Variants in LDB3 observed in about 807,000 individuals in gnomAD.
LDB3 encodes the protein LIM domain-binding protein 3.
LDB3 carries 49 observed loss-of-function variants against 69.0 expected under a neutral mutation model. That is an observed-to-expected ratio of 0.71 (90% CI 0.56 to 0.90). The LOEUF is 0.90. Among genes scored for constraint, LDB3 ranks in the 40% least tolerant of loss-of-function variants. The pLI, the probability that LDB3 is intolerant of heterozygous loss-of-function variation, is 0.00. For missense variants in LDB3, 928 were observed against 974.1 expected (o/e 0.95, Z 0.63); for synonymous variants, 387 against 396.2 (o/e 0.98, Z 0.28).
At chr10:86,668,500 C>T (rs965356368), upstream of LDB3, 4 of 670,110 alleles carry the variant, frequency 6.0e-6, no homozygotes, top group African/African-American at 3.5e-5. Context: ...CGATGGCATT[C>T]GCTCCCAGCT....
At position 86,718,025 on chromosome 10, in the gene LDB3, T is replaced by G; in HGVS notation, c.1738T>G (p.Cys580Gly). The G allele has an allele frequency of 6.2e-7, 1 of 1,614,202 alleles. No individual in the cohort carries two copies. The highest frequency in any genetic ancestry group is 8.5e-7 in the Non-Finnish European group (1 of 1,180,040). ...CCCTGAAGAGTTCACCTGTGCCTAC[T>G]GCAAGACTTCCCTGGCAGATGTGTG... ...WHPEEFTCAY[C>G]KTSLADVCFV... Residue 580 changes from cysteine to glycine, a missense_variant, in exon 11 of 14, where the codon TGC (cysteine) becomes GGC (glycine). By Grantham distance (159) the Cys-to-Gly change is radical. Transcript: ENST00000361373.
chr10:86,685,613 C>T (rs938293433), intron 5 of LDB3: 3 of 1,568,728 alleles, frequency 1.9e-6, no homozygotes, highest in African/African-American at 2.7e-5. Context: ...GGCCCCGGCG[C>T]TCAAACTGCC....
In LDB3 at chr10:86,685,687, A is replaced by G. The variant is rs376900496; in HGVS notation, c.689+3884A>G. On this transcript the variant is annotated intron_variant, in intron 5 of 13. Coordinates refer to ENST00000361373, the MANE Select transcript of LDB3 (RefSeq NM_007078.3). Reference sequence around the variant, plus strand: ...CCCTTTTCCTCCCCAGGTGGTAGTCAACTCTCCAGCCAAGTTAGTATCAAA... The same window carrying G: ...CCCTTTTCCTCCCCAGGTGGTAGTCGACTCTCCAGCCAAGTTAGTATCAAA... 13 of 1,614,148 alleles carry G rather than the reference A, an allele frequency of 8.1e-6. No homozygotes were observed. Among genetic ancestry groups the G allele is most frequent in the African/African-American group, 8.0e-5 (6 of 75,050 alleles).
chr10:86,709,308 C>T (rs1202729210), intron 8 of LDB3, among the ~76,000 whole-genome samples: 1 of 152,002 alleles, frequency 6.6e-6, no homozygotes, highest in Admixed American at 6.6e-5. Flanking sequence ...AAAGGTGACC[C>T]TAGGCCCCTT....
At chr10:86,731,996 T>G (rs1847478002) in intron 13 of LDB3, among the ~76,000 whole-genome samples, 1 of 146,044 alleles carries the variant, frequency 6.8e-6, no homozygotes, top group Admixed American at 6.8e-5. Context: ...TTTTCTTTTC[T>G]TTCTTTCTTT....
At chr10:86,691,869 C>T (rs1157220959) in intron 5 of LDB3, 27 bp from the exon 6 acceptor site, 4 of 1,613,576 alleles carry the variant, frequency 2.5e-6, no homozygotes, top group Non-Finnish European at 3.4e-6. Flanking sequence ...GCCTAGCCCT[C>T]GCCCACGGCC....
At chr10:86,681,345 C>A in intron 4 of LDB3, 91 bp from the exon 5 acceptor site, 1 of 1,570,332 alleles carries the variant, frequency 6.4e-7, no homozygotes, top group Non-Finnish European at 8.6e-7. Context: ...CGCGCTAACA[C>A]ATCTGTTTCA....
At chr10:86,702,404 C>T (rs1014968381) in intron 7 of LDB3, among the ~76,000 whole-genome samples, 1 of 152,182 alleles carries the variant, frequency 6.6e-6, no homozygotes, top group Non-Finnish European at 1.5e-5. Context: ...ATTCCCACCA[C>T]CAAGGGCCAC....
intron 5 of LDB3, among the ~76,000 whole-genome samples, chr10:86,691,465 G>A (rs1298658987): frequency 6.6e-6 from 1 of 152,196 alleles, no homozygotes; most frequent in African/African-American, 2.4e-5. Context: ...ATCCAAAAGT[G>A]TGAGGAGGGC....
chr10:86,668,854 T>C (rs923598033), intron 2 of LDB3, 70 bp downstream of exon 2: 3 of 1,136,556 alleles, frequency 2.6e-6, no homozygotes, highest in Non-Finnish European at 4.0e-6. Context: ...TGTGTGTCCG[T>C]CTGTCTGTCT....
chr10:86,687,660 T>C (rs1845560366), intron 5 of LDB3, among the ~76,000 whole-genome samples: 1 of 152,224 alleles, frequency 6.6e-6, no homozygotes, highest in South Asian at 2.1e-4. Flanking sequence ...AGTTACCAGG[T>C]TCTTCCAGCA....
At chr10:86,711,874 A>G (rs1007209894) in intron 9 of LDB3, among the ~76,000 whole-genome samples, 1 of 151,004 alleles carries the variant, frequency 6.6e-6, no homozygotes, top group African/African-American at 2.4e-5. Context: ...GCCCGGCGTG[A>G]GTCAGAAATC....
chr10:86,707,333 T>C (rs890881600), intron 8 of LDB3, among the ~76,000 whole-genome samples: 5 of 152,128 alleles, frequency 3.3e-5, no homozygotes, highest in Non-Finnish European at 7.3e-5. Context: ...AGTTTCCTCA[T>C]CTGTTAAGAT....
At chr10:86,691,622 G>A (rs965968780) in intron 5 of LDB3, among the ~76,000 whole-genome samples, 4 of 152,042 alleles carry the variant, frequency 2.6e-5, no homozygotes, top group Admixed American at 2.0e-4. Context: ...AAATGTCTCC[G>A]GCCTAGGCCT....
chr10:86,683,183 G>T (rs1845260115), intron 5 of LDB3, among the ~76,000 whole-genome samples: 1 of 152,144 alleles, frequency 6.6e-6, no homozygotes. Flanking sequence ...GCCTCTGGTG[G>T]CCTGGGACTC....
intron 12 of LDB3, among the ~76,000 whole-genome samples, chr10:86,723,149 G>A (rs1033130496): frequency 2.0e-5 from 3 of 151,198 alleles, no homozygotes; most frequent in African/African-American, 4.9e-5. Context: ...GCACACCTGT[G>A]GTCCCAGCTG....
intron 9 of LDB3, among the ~76,000 whole-genome samples, chr10:86,712,245 G>C (rs958083981): frequency 2.0e-5 from 3 of 152,182 alleles, no homozygotes; most frequent in Non-Finnish European, 4.4e-5. Flanking sequence ...CCAGATTCTA[G>C]CCTGCCTCTG....
At chr10:86,708,519 G>A (rs1418521961) in intron 8 of LDB3, among the ~76,000 whole-genome samples, 1 of 152,156 alleles carries the variant, frequency 6.6e-6, no homozygotes, top group Non-Finnish European at 1.5e-5. Flanking sequence ...ATGGAGTCCA[G>A]CTAAGACCAC....
At chr10:86,689,211 A>G (rs1297188038) in intron 5 of LDB3, among the ~76,000 whole-genome samples, 2 of 151,938 alleles carry the variant, frequency 1.3e-5, no homozygotes. Flanking sequence ...CCCCTCTGCT[A>G]TCCCATGATG....
Sources: allele counts gnomAD v4.1 joint callset (sites outside exome capture counted in the v4.1 genomes callset), GRCh38; gene constraint gnomAD v4.1.1; transcripts MANE v1.5; gene names NCBI Gene and HGNC (gene_info 2026-07-23, HGNC 2026-07-21).